The following THSD7A variants were observed in gnomAD, a reference collection of about 807,000 sequenced individuals.
The protein encoded by THSD7A is thrombospondin type 1 domain containing 7A.
Under a neutral mutation model 231.3 loss-of-function variants are expected in THSD7A, and 96 were observed. The ratio of observed to expected loss-of-function variants is 0.41; its 90% CI spans 0.35 to 0.49. The LOEUF (loss-of-function observed/expected upper bound fraction) is 0.49, where lower values mean the gene tolerates loss of function less well. Among genes scored for constraint, THSD7A ranks in the 20% least tolerant of loss-of-function variants. The pLI, the probability that THSD7A is intolerant of heterozygous loss-of-function variation, is 0.05. For missense variants in THSD7A, 2,290 were observed against 2,070.2 expected (o/e 1.11, Z -2.06); for synonymous variants, 940 against 743.3 (o/e 1.26, Z -4.30).
intron 2 of THSD7A, among the ~76,000 whole-genome samples, chr7:11,604,142 A>G (rs1780657779): frequency 6.6e-6 from 1 of 152,182 alleles, no homozygotes; most frequent in South Asian, 2.1e-4. Context: ...GTTTATGTAT[A>G]TAAAATGTAT....
chr7:11,410,599 C>G (rs917285290), intron 19 of THSD7A: 1 of 152,124 alleles, frequency 6.6e-6, no homozygotes, highest in Admixed American at 6.5e-5. Flanking sequence ...AGGACAAATA[C>G]GTTTCTTCAC....
chr7:11,823,363 A>T (rs1205617011), intron 1 of THSD7A, among the ~76,000 whole-genome samples: 1 of 151,972 alleles, frequency 6.6e-6, no homozygotes, highest in Non-Finnish European at 1.5e-5. Context: ...TAGCCTCATA[A>T]TATAATTTGA....
chr7:11,690,215 G>A (rs1780190556), intron 1 of THSD7A, among the ~76,000 whole-genome samples: 1 of 151,676 alleles, frequency 6.6e-6, no homozygotes, highest in Admixed American at 6.6e-5. Flanking sequence ...AGAAGCAAAG[G>A]ACATATTCAC....
intron 1 of THSD7A, among the ~76,000 whole-genome samples, chr7:11,728,089 C>T (rs568782260): frequency 5.9e-5 from 9 of 151,956 alleles, no homozygotes; most frequent in Non-Finnish European, 1.2e-4. Context: ...AAAATGCAAG[C>T]TCTCAAGTTT....
intron 1 of THSD7A, among the ~76,000 whole-genome samples, chr7:11,648,147 T>G (rs1276176483): frequency 6.6e-6 from 1 of 152,104 alleles, no homozygotes; most frequent in Non-Finnish European, 1.5e-5. Context: ...TTTAGGCTAC[T>G]TGTCCCTTGG....
At chr7:11,727,828 C>G (rs1420097949) in intron 1 of THSD7A, among the ~76,000 whole-genome samples, 2 of 151,916 alleles carry the variant, frequency 1.3e-5, no homozygotes, top group Non-Finnish European at 2.9e-5. Context: ...TTTCCATTAA[C>G]AGTCTAACCC....
chr7:11,445,946 G>A (rs897838082), intron 13 of THSD7A, 115 bp downstream of exon 13: 20 of 1,293,524 alleles, frequency 1.5e-5, no homozygotes, highest in Non-Finnish European at 2.1e-5. Context: ...GTGCTTCAGA[G>A]TTTAATTTAG....
At chr7:11,425,192 T>C (rs1583715693) in intron 15 of THSD7A, among the ~76,000 whole-genome samples, 2 of 152,292 alleles carry the variant, frequency 1.3e-5, no homozygotes, top group Middle Eastern at 6.8e-3. Context: ...GGTGCTCACA[T>C]GTTAGGTACT....
intron 1 of THSD7A, among the ~76,000 whole-genome samples, chr7:11,793,443 TTAAAAA>T (rs1038638694): frequency 6.6e-6 from 1 of 151,726 alleles, no homozygotes; most frequent in African/African-American, 2.4e-5. Context: ...CATTTAGACC[TTAAAAA>T]TAAATAAGCA....
At chr7:11,683,480 C>T (rs1383064069) in intron 1 of THSD7A, among the ~76,000 whole-genome samples, 1 of 151,718 alleles carries the variant, frequency 6.6e-6, no homozygotes, top group Admixed American at 6.6e-5. Context: ...AGAATGTTAA[C>T]ACATTAACAA....
intron 7 of THSD7A, among the ~76,000 whole-genome samples, chr7:11,476,908 A>T (rs1281849558): frequency 6.6e-6 from 1 of 152,154 alleles, no homozygotes; most frequent in Non-Finnish European, 1.5e-5. Context: ...AATTACAGTG[A>T]AATTAAAAGT....
chr7:11,674,453 G>C (rs958668496), intron 1 of THSD7A, among the ~76,000 whole-genome samples: 3 of 152,048 alleles, frequency 2.0e-5, no homozygotes, highest in Non-Finnish European at 4.4e-5. Flanking sequence ...GTGTCTATCT[G>C]CTGGCTCTTA....
chr7:11,597,072 CT>C (rs1347827279), intron 2 of THSD7A, among the ~76,000 whole-genome samples: 2 of 152,312 alleles, frequency 1.3e-5, no homozygotes, highest in Middle Eastern at 3.4e-3. Flanking sequence ...TGACATTATG[CT>C]GATTAGATCC....
intron 2 of THSD7A, among the ~76,000 whole-genome samples, chr7:11,599,446 T>C (rs1780476946): frequency 6.6e-6 from 1 of 152,230 alleles, no homozygotes; most frequent in Non-Finnish European, 1.5e-5. Flanking sequence ...CCTCCTTCTT[T>C]TGTTAAAAAC....
intron 13 of THSD7A, among the ~76,000 whole-genome samples, chr7:11,436,511 AC>A (rs1200007611): frequency 6.6e-6 from 1 of 151,958 alleles, no homozygotes; most frequent in Non-Finnish European, 1.5e-5. Context: ...ACAAACTATG[AC>A]TCTCTGAGAG....
chr7:11,521,156 T>C (rs1788245300), intron 6 of THSD7A, among the ~76,000 whole-genome samples: 1 of 152,164 alleles, frequency 6.6e-6, no homozygotes, highest in African/African-American at 2.4e-5. Flanking sequence ...CTGAACATAT[T>C]CACACAGACA....
At chr7:11,821,876 G>T (rs919760713) in intron 1 of THSD7A, among the ~76,000 whole-genome samples, 3 of 152,088 alleles carry the variant, frequency 2.0e-5, no homozygotes, top group African/African-American at 4.8e-5. Context: ...TACCCCAAAG[G>T]TTATGATTTC....
chr7:11,563,452 T>G (rs1221707737), intron 4 of THSD7A, among the ~76,000 whole-genome samples: 3 of 152,116 alleles, frequency 2.0e-5, no homozygotes, highest in Non-Finnish European at 4.4e-5. Context: ...CTCCGCCTCT[T>G]GGGTTCAAGA....
intron 23 of THSD7A, among the ~76,000 whole-genome samples, chr7:11,393,819 A>C (rs1783077001): frequency 6.6e-6 from 1 of 152,250 alleles, no homozygotes; most frequent in Non-Finnish European, 1.5e-5. Context: ...TTAGAGAGAA[A>C]AGAATAAAAA....
Sources: allele counts gnomAD v4.1 joint callset (sites outside exome capture counted in the v4.1 genomes callset), GRCh38; gene constraint gnomAD v4.1.1; transcripts MANE v1.5; gene names NCBI Gene and HGNC (gene_info 2026-07-23, HGNC 2026-07-21).